Variants in KCNB2 observed in about 807,000 individuals in gnomAD.
KCNB2 encodes delayed rectifier potassium channel protein.
KCNB2 carries 15 observed loss-of-function variants against 61.5 expected under a neutral mutation model. That is an observed-to-expected ratio of 0.24 (90% CI 0.16 to 0.38). The LOEUF (loss-of-function observed/expected upper bound fraction) is 0.38, where lower values mean the gene tolerates loss of function less well. Among genes scored for constraint, KCNB2 ranks in the 10% least tolerant of loss-of-function variants. The pLI is 1.00. For missense variants in KCNB2, 828 were observed against 1,125.2 expected (o/e 0.74, Z 3.78); for synonymous variants, 457 against 446.0 (o/e 1.02, Z -0.31).
chr8:72,861,796 T>C (rs1415193607), intron 2 of KCNB2, among the ~76,000 whole-genome samples: 1 of 152,242 alleles, frequency 6.6e-6, no homozygotes, highest in Non-Finnish European at 1.5e-5. Context: ...CTGTTAATTA[T>C]GGTGGCCTCC....
intron 1 of KCNB2, among the ~76,000 whole-genome samples, chr8:72,564,125 C>A (rs929233987): frequency 1.3e-5 from 2 of 152,178 alleles, no homozygotes; most frequent in African/African-American, 4.8e-5. Context: ...AGTCTTATGA[C>A]CTCTCTTCTC....
chr8:72,583,141 G>T (rs1008114456), intron 2 of KCNB2, among the ~76,000 whole-genome samples: 1 of 152,032 alleles, frequency 6.6e-6, no homozygotes, highest in African/African-American at 2.4e-5. Context: ...CATGCTACTT[G>T]GTGATAAAGA....
intron 1 of KCNB2, among the ~76,000 whole-genome samples, chr8:72,540,721 G>T (rs891533938): frequency 6.6e-6 from 1 of 152,050 alleles, no homozygotes; most frequent in African/African-American, 2.4e-5. Context: ...CTGCAAGTAC[G>T]GGTTGTGAGG....
chr8:72,544,103 A>G (rs1284549803), intron 1 of KCNB2, among the ~76,000 whole-genome samples: 3 of 152,204 alleles, frequency 2.0e-5, no homozygotes, highest in African/African-American at 7.2e-5. Flanking sequence ...TCACAGATGA[A>G]GTGACATCTA....
chr8:72,547,860 G>A (rs2128977012), intron 1 of KCNB2, among the ~76,000 whole-genome samples: 1 of 152,232 alleles, frequency 6.6e-6, no homozygotes, highest in African/African-American at 2.4e-5. Flanking sequence ...TGCTAGTGTG[G>A]GTAAAATGCT....
intron 2 of KCNB2, among the ~76,000 whole-genome samples, chr8:72,693,631 G>A (rs1806973626): frequency 6.6e-6 from 1 of 152,148 alleles, no homozygotes; most frequent in South Asian, 2.1e-4. Flanking sequence ...TAATATTCCA[G>A]AAATATTCTC....
In KCNB2 at chr8:72,784,316, C is replaced by T. The variant is rs140776030; in HGVS notation, c.580-151619C>T. On this transcript the variant is annotated intron_variant, in intron 2 of 2. Coordinates refer to ENST00000523207, the MANE Select transcript of KCNB2 (RefSeq NM_004770.3). The stretch of plus-strand genomic sequence containing the variant: ...CCATTCTACTCTCTGCTTCTGTAAG[C>T]TTGACCTTTTTGGATTCCAAAGTGA... Among the ~76,000 whole-genome samples, 67 of 152,252 alleles carry T rather than the reference C, an allele frequency of 4.4e-4. 1 individual carries two copies. Among genetic ancestry groups the T allele is most frequent in the African/African-American group, 1.5e-3 (64 of 41,550 alleles).
chr8:72,853,827 C>T (rs888425744), intron 2 of KCNB2, among the ~76,000 whole-genome samples: 8 of 152,162 alleles, frequency 5.3e-5, no homozygotes, highest in African/African-American at 1.4e-4. Flanking sequence ...TTCTCTGCAC[C>T]GTCACGTGAC....
In KCNB2 at chr8:72,594,563, T is replaced by G. The variant is rs538351507; in HGVS notation, c.579+26250T>G. 2.0e-4 allele frequency among the ~76,000 whole-genome samples: 30 copies of G among 152,328 alleles called. 1 individual carries two copies. The highest frequency in any genetic ancestry group is 3.4e-3 in the Middle Eastern group (1 of 294). ...TTATTTTGGTAGCTGTAGCCTTGGC[T>G]TTTGTTTTGGTAATGACCAAAATTT... On this transcript the variant is annotated intron_variant, in intron 2 of 2. Coordinates refer to ENST00000523207, the MANE Select transcript of KCNB2 (RefSeq NM_004770.3).
At chr8:72,631,837 G>T (rs1805886522) in intron 2 of KCNB2, among the ~76,000 whole-genome samples, 1 of 152,118 alleles carries the variant, frequency 6.6e-6, no homozygotes, top group African/African-American at 2.4e-5. Flanking sequence ...TCAGCCTTGT[G>T]CTCCTTGTTC....
At chr8:72,657,333 C>T (rs73305888) in intron 2 of KCNB2, among the ~76,000 whole-genome samples, 4,231 of 152,150 alleles carry the variant, frequency 0.028, 75 homozygotes, top group South Asian at 0.073. Context: ...CTAAAGATAA[C>T]ATTTTAAAGA....
intron 2 of KCNB2, among the ~76,000 whole-genome samples, chr8:72,843,250 G>A (rs948640155): frequency 6.6e-6 from 1 of 152,158 alleles, no homozygotes; most frequent in African/African-American, 2.4e-5. Flanking sequence ...GAGCTTTTGA[G>A]TGAGTTTCAT....
In KCNB2 at chr8:72,790,820, C is replaced by A. The variant is rs1808930161; in HGVS notation, c.580-145115C>A. ...GATTTTCTTATACTTACTCTATGTC[C>A]AGCTGACATAAAAGTCTTAATAAAC... On this transcript the variant is annotated intron_variant, in intron 2 of 2. Transcript: ENST00000523207. Among the ~76,000 whole-genome samples, 2 of 152,072 alleles carry A rather than the reference C, an allele frequency of 1.3e-5. 1 individual carries two copies. Among genetic ancestry groups the A allele is most frequent in the South Asian group, 4.2e-4 (2 of 4,802 alleles).
chr8:72,650,858 G>C (rs892385556), intron 2 of KCNB2, among the ~76,000 whole-genome samples: 1 of 152,112 alleles, frequency 6.6e-6, no homozygotes, highest in Non-Finnish European at 1.5e-5. Flanking sequence ...TGTTGATAGA[G>C]GTCCCCCTCC....
chr8:72,789,851 A>C (rs2128998605), intron 2 of KCNB2, among the ~76,000 whole-genome samples: 1 of 152,168 alleles, frequency 6.6e-6, no homozygotes, highest in African/African-American at 2.4e-5. Context: ...AGGTGATATT[A>C]ATCTGAATTC....
chr8:72,848,389 A>G (rs547971683), intron 2 of KCNB2, among the ~76,000 whole-genome samples: 14 of 152,264 alleles, frequency 9.2e-5, no homozygotes, highest in Admixed American at 3.3e-4. Flanking sequence ...AACAGTTTCT[A>G]CTTTTTTCTT....
rs1439153343 is a variant in KCNB2 at position 72,932,517 on chromosome 8, C to G, written c.580-3418C>G. ...GACCTGGGGAGTTTCCTAAGACCCC[C>G]TATAAAACTTGTTTAATCCTAAACA... On this transcript the variant is annotated intron_variant, in intron 2 of 2. Coordinates refer to ENST00000523207, the MANE Select transcript of KCNB2 (RefSeq NM_004770.3). Among the ~76,000 whole-genome samples the G allele has an allele frequency of 1.3e-5, 2 of 152,126 alleles. 1 individual carries two copies. The highest frequency in any genetic ancestry group is 4.1e-4 in the South Asian group (2 of 4,820).
intron 2 of KCNB2, among the ~76,000 whole-genome samples, chr8:72,866,077 G>A (rs1805511862): frequency 6.6e-6 from 1 of 152,192 alleles, no homozygotes; most frequent in African/African-American, 2.4e-5. Flanking sequence ...TTGTCATTCA[G>A]ATGTTGGAAA....
intron 2 of KCNB2, among the ~76,000 whole-genome samples, chr8:72,884,043 T>C (rs1462456467): frequency 1.3e-5 from 2 of 152,238 alleles, no homozygotes; most frequent in Admixed American, 1.3e-4. Flanking sequence ...TGAGCAGCAA[T>C]ATATGAAAGC....
Sources: gnomAD v4.1 joint callset for allele counts (sites outside exome capture counted in the v4.1 genomes callset) on GRCh38, gnomAD v4.1.1 for gene constraint, MANE v1.5 for transcripts, NCBI Gene and HGNC (gene_info 2026-07-23, HGNC 2026-07-21) for gene names.